The following TXNRD1 variants were observed in gnomAD, a reference collection of about 807,000 sequenced individuals.
The protein encoded by TXNRD1 is thioredoxin reductase 1.
TXNRD1 carries 57 observed loss-of-function variants against 80.3 expected under a neutral mutation model. The observed-to-expected ratio is 0.71, with a 90% CI of 0.57 to 0.89. The LOEUF (loss-of-function observed/expected upper bound fraction) is 0.89. Among genes scored for constraint, TXNRD1 ranks in the 40% least tolerant of loss-of-function variants. The pLI is 0.00. For missense variants in TXNRD1, 730 were observed against 803.0 expected (o/e 0.91, Z 1.10); for synonymous variants, 291 against 285.2 (o/e 1.02, Z -0.20).
At chr12:104,236,611 G>A (rs1249913563) in intron 1 of TXNRD1, among the ~76,000 whole-genome samples, 1 of 151,960 alleles carries the variant, frequency 6.6e-6, no homozygotes, top group Non-Finnish European at 1.5e-5. Context: ...CCAACATGGA[G>A]AAACCCTGTC....
chr12:104,295,085 G>A (rs894647983), intron 4 of TXNRD1, among the ~76,000 whole-genome samples: 2 of 152,210 alleles, frequency 1.3e-5, no homozygotes, highest in Admixed American at 6.5e-5. Context: ...TTAAAAGGAA[G>A]TAAGGGTTGA....
chr12:104,300,905 C>G (rs574887504), intron 4 of TXNRD1, among the ~76,000 whole-genome samples: 1 of 152,322 alleles, frequency 6.6e-6, no homozygotes, highest in Non-Finnish European at 1.5e-5. Context: ...CTCGGCCTCC[C>G]AAAGTGCTGG....
chr12:104,246,208 A>G (rs2032989814), intron 1 of TXNRD1, among the ~76,000 whole-genome samples: 1 of 149,566 alleles, frequency 6.7e-6, no homozygotes, highest in Admixed American at 6.7e-5. Flanking sequence ...CGGGTGGATC[A>G]TGAGGTCAGG....
chr12:104,267,638 T>C (rs79693084), intron 3 of TXNRD1, among the ~76,000 whole-genome samples: 22,607 of 147,012 alleles, frequency 0.15, 1,840 homozygotes, highest in Middle Eastern at 0.24. Flanking sequence ...TGTTCCTAGA[T>C]GTGATGGTAT....
intron 3 of TXNRD1, among the ~76,000 whole-genome samples, chr12:104,269,028 C>CT (rs1362755743): frequency 6.7e-6 from 1 of 150,306 alleles, no homozygotes; most frequent in African/African-American, 2.4e-5. Context: ...CCTCAGCCTA[C>CT]TGGGTAGCTG....
chr12:104,221,298 C>T (rs1482989445), intron 1 of TXNRD1, among the ~76,000 whole-genome samples: 3 of 151,868 alleles, frequency 2.0e-5, no homozygotes, highest in Non-Finnish European at 4.4e-5. Context: ...TTGGGTTTTT[C>T]GTTTGTTTGG....
At position 104,334,232 on chromosome 12, in the gene TXNRD1, CT is replaced by C; in HGVS notation, c.1651-3del. The C allele has an allele frequency of 6.7e-7, 1 of 1,500,952 alleles. No homozygotes were observed. The highest frequency in any genetic ancestry group is 8.9e-7 in the Non-Finnish European group (1 of 1,121,724). 93.0% of individuals were successfully genotyped at this position (1,500,952 alleles called of 1,614,324 possible). A position where few individuals can be genotyped will look rare whatever the true frequency, so the allele number is the denominator to read the frequency against. ...GGTCTAAATTTTGCTTTTGTATCTT[CT>C]TAGGTTTACCATAGTTACTTTTGGC... On this transcript the variant is annotated splice_region_variant and splice_polypyrimidine_tract_variant and intron_variant, in intron 14 of 16. Transcript: ENST00000525566.
chr12:104,287,281 A>C (rs2034002330), intron 3 of TXNRD1: 15 of 1,613,828 alleles, frequency 9.3e-6, no homozygotes, highest in Non-Finnish European at 1.3e-5. Context: ...GGCTTTTCCA[A>C]ACCCAGGCAG....
intron 1 of TXNRD1, among the ~76,000 whole-genome samples, chr12:104,221,595 G>C (rs2032360216): frequency 6.6e-6 from 1 of 152,200 alleles, no homozygotes; most frequent in Admixed American, 6.5e-5. Context: ...TGAGATTATA[G>C]GCATGAGCCA....
intron 7 of TXNRD1, among the ~76,000 whole-genome samples, chr12:104,316,966 G>A (rs2035352908): frequency 6.6e-6 from 1 of 152,068 alleles, no homozygotes; most frequent in African/African-American, 2.4e-5. Context: ...GAAAAATTTT[G>A]CTCTCACTCA....
At chr12:104,307,725 G>A (rs899430812) in intron 4 of TXNRD1, among the ~76,000 whole-genome samples, 3 of 152,208 alleles carry the variant, frequency 2.0e-5, no homozygotes, top group African/African-American at 7.2e-5. Context: ...TTAAAAGACT[G>A]CCACAGTTGA....
intron 4 of TXNRD1, chr12:104,304,966 T>C: frequency 6.5e-7 from 1 of 1,532,604 alleles, no homozygotes. Context: ...CCTTTTTGTG[T>C]TTTTTTTCTG....
intron 1 of TXNRD1, among the ~76,000 whole-genome samples, chr12:104,230,346 G>A (rs1017716105): frequency 2.0e-5 from 3 of 152,146 alleles, no homozygotes; most frequent in Non-Finnish European, 4.4e-5. Context: ...TGAGATTACA[G>A]GCATGAGCCA....
At chr12:104,298,867 TAG>T in intron 4 of TXNRD1, among the ~76,000 whole-genome samples, 1 of 152,250 alleles carries the variant, frequency 6.6e-6, no homozygotes, top group Non-Finnish European at 1.5e-5. Flanking sequence ...ACCTACTCAG[TAG>T]TTGAAAACAC....
At chr12:104,267,516 T>TCTTTC (rs546987650) in intron 3 of TXNRD1, among the ~76,000 whole-genome samples, 6 of 151,428 alleles carry the variant, frequency 4.0e-5, no homozygotes, top group African/African-American at 1.2e-4. Context: ...TTCCTTTCCT[T>TCTTTC]CTTTCCTTTC....
At chr12:104,302,486 C>CTTTTTTTTTTTTTTTTTTTTTTTTTTTTT (rs772202256) in intron 4 of TXNRD1, among the ~76,000 whole-genome samples, 1 of 76,226 alleles carries the variant, frequency 1.3e-5, no homozygotes, top group Non-Finnish European at 2.3e-5. Flanking sequence ...TATTCATTCC[C>CTTTTTTTTTTTTTTTTTTTTTTTTTTTTT]TTTTTTTTTT....
In TXNRD1 at chr12:104,252,658, T is replaced by TATATATATATA. The variant is rs1491493630; in HGVS notation, c.243+980_243+981insATATATATATA. 4.6e-3 allele frequency among the ~76,000 whole-genome samples: 47 copies of TATATATATATA among 10,266 alleles called. 1 individual carries two copies. The highest frequency in any genetic ancestry group is 0.017 in the South Asian group (3 of 174). 6.7% of individuals were successfully genotyped at this position (10,266 alleles called of 152,430 possible). ...GGTTCACTGAGAGGTTAATTTATTA[T>TATATATATATA]TTTTTATATATATATATATATATAT... is the stretch of plus-strand genomic sequence containing the variant. On this transcript the variant is annotated intron_variant, in intron 2 of 16. Transcript: ENST00000525566.
chr12:104,237,781 G>A (rs966343291), intron 1 of TXNRD1, among the ~76,000 whole-genome samples: 2 of 152,164 alleles, frequency 1.3e-5, no homozygotes, highest in Non-Finnish European at 2.9e-5. Flanking sequence ...TTGGGAGGCT[G>A]AGGCAGGCGG....
chr12:104,289,620 A>G (rs932634770), intron 4 of TXNRD1: 1 of 152,602 alleles, frequency 6.6e-6, no homozygotes, highest in African/African-American at 2.4e-5. Flanking sequence ...TAGCAAACGC[A>G]GTAGAAATCC....
Sources: gnomAD v4.1 joint callset for allele counts (sites outside exome capture counted in the v4.1 genomes callset) on GRCh38, gnomAD v4.1.1 for gene constraint, MANE v1.5 for transcripts, NCBI Gene and HGNC (gene_info 2026-07-23, HGNC 2026-07-21) for gene names.